The following CYP4X1 variants were observed in gnomAD, a reference collection of about 807,000 sequenced individuals.
CYP4X1 encodes the protein cytochrome P450 family 4 subfamily X member 1, also known as cytochrome P450 4X1.
CYP4X1 carries 44 observed loss-of-function variants against 57.9 expected under a neutral mutation model. That is an observed-to-expected ratio of 0.76 (90% confidence interval 0.60 to 0.98). The LOEUF (loss-of-function observed/expected upper bound fraction) is 0.98. Among genes scored for constraint, CYP4X1 ranks in the 50% least tolerant of loss-of-function variants. The probability of loss-of-function intolerance (pLI) is 0.00; values close to 1 mark genes in which losing one functional copy is unlikely to be tolerated. For missense variants in CYP4X1, 532 were observed against 623.9 expected, an observed-to-expected ratio of 0.85 and a Z score of 1.57; for synonymous variants, 227 against 228.6, an observed-to-expected ratio of 0.99 and a Z score of 0.06.
rs1394204338 is a variant in CYP4X1, at chr1:47,046,464, C to T, written c.1074-3C>T. ...GAGTCCCTTCCCTCCCTCATCCTCA[C>T]AGGGACCAGCTGGGTGAGATGTCGT... On this transcript the variant is annotated splice_region_variant and splice_polypyrimidine_tract_variant and intron_variant, in intron 8 of 11. Transcript: ENST00000371901. 4 of 1,614,044 alleles carry T rather than the reference C, an allele frequency of 2.5e-6. No individual in the cohort carries two copies. The highest frequency in any genetic ancestry group is 1.1e-5 in the South Asian group (1 of 91,068).
chr1:47,023,436 C>A, upstream of CYP4X1: 3 of 790,848 alleles, frequency 3.8e-6, no homozygotes, highest in Non-Finnish European at 4.6e-6. Flanking sequence ...AAAAGAAAAT[C>A]TCTTGCATAG....
rs1327962451 is a variant in CYP4X1, at chr1:47,024,012, G to GGGAGGAAGGAGGAGGGAGGGGC, written c.177+25_177+46dup. ...ACCAGAAGGTAGATGGGAGGGAGGA[G>GGGAGGAAGGAGGAGGGAGGGGC]GGAGGAAGGAGGAGGGAGGGGCGGA... On this transcript the variant is annotated intron_variant, in intron 1 of 11. Transcript: ENST00000371901. The GGGAGGAAGGAGGAGGGAGGGGC allele has an allele frequency of 6.2e-7, 1 of 1,605,882 alleles. No homozygotes were observed. The highest frequency in any genetic ancestry group is 1.1e-5 in the South Asian group (1 of 90,372).
the CYP4X1 span, among the ~76,000 whole-genome samples, chr1:46,992,081 C>T: frequency 2.6e-5 from 4 of 152,108 alleles, no homozygotes; most frequent in Non-Finnish European, 4.4e-5. Context: ...CCATGGTGGG[C>T]AGATCACCTG....
chr1:47,053,637 G>A (rs1328052968), downstream of CYP4X1, among the ~76,000 whole-genome samples: 3 of 152,164 alleles, frequency 2.0e-5, no homozygotes, highest in African/African-American at 7.2e-5. Flanking sequence ...GTATCTCATT[G>A]TGGTTTTGAT....
chr1:47,046,411 G>GA, intron 8 of CYP4X1, 56 bp from the exon 9 acceptor site: 1 of 1,601,642 alleles, frequency 6.2e-7, no homozygotes. Context: ...ACAGAAAACA[G>GA]AAAAAAAGTA....
downstream of CYP4X1, among the ~76,000 whole-genome samples, chr1:47,052,910 ATTTCTT>A (rs891822924): frequency 1.3e-5 from 2 of 151,592 alleles, no homozygotes; most frequent in African/African-American, 4.8e-5. Context: ...GGAATTCTCT[ATTTCTT>A]TTTTTTATTT....
the CYP4X1 span, among the ~76,000 whole-genome samples, chr1:46,988,270 A>G: frequency 6.6e-6 from 1 of 152,194 alleles, no homozygotes; most frequent in Admixed American, 6.5e-5. Context: ...CTACACAAAT[A>G]AACTAGAAAA....
chr1:46,996,149 G>A, the CYP4X1 span, among the ~76,000 whole-genome samples: 1 of 152,182 alleles, frequency 6.6e-6, no homozygotes, highest in East Asian at 1.9e-4. Flanking sequence ...CTACGAAACT[G>A]TTTCTTAAAA....
the CYP4X1 span, among the ~76,000 whole-genome samples, chr1:46,966,244 G>A: frequency 7.2e-3 from 1,101 of 152,280 alleles, 13 homozygotes; most frequent in African/African-American, 0.025. Context: ...TTGGCTCGCC[G>A]GATTCAGCCC....
chr1:47,019,377 C>T (rs987591793), upstream of CYP4X1, among the ~76,000 whole-genome samples: 13 of 152,144 alleles, frequency 8.5e-5, no homozygotes, highest in East Asian at 3.9e-4. Context: ...TAATCCTAAA[C>T]GGGTCCTGAT....
chr1:47,022,442 C>A (rs1644008929), upstream of CYP4X1, among the ~76,000 whole-genome samples: 1 of 152,016 alleles, frequency 6.6e-6, no homozygotes, highest in Non-Finnish European at 1.5e-5. Context: ...AGGCGCGCGC[C>A]ACCACGCCCA....
At chr1:47,032,660 A>G (rs1644136842) in intron 3 of CYP4X1, among the ~76,000 whole-genome samples, 1 of 152,200 alleles carries the variant, frequency 6.6e-6, no homozygotes, top group African/African-American at 2.4e-5. Flanking sequence ...TCCACATAGT[A>G]TCATTCATAG....
chr1:47,022,541 G>C (rs1002040300), upstream of CYP4X1, among the ~76,000 whole-genome samples: 1 of 151,884 alleles, frequency 6.6e-6, no homozygotes, highest in Non-Finnish European at 1.5e-5. Flanking sequence ...CGCCCGCCTC[G>C]GCCTCCCAAA....
chr1:47,054,626 G>T (rs1433447911), downstream of CYP4X1, among the ~76,000 whole-genome samples: 5 of 152,008 alleles, frequency 3.3e-5, no homozygotes, highest in African/African-American at 4.8e-5. Context: ...CCTTGAAGAG[G>T]TCCTTCACAT....
the CYP4X1 span, among the ~76,000 whole-genome samples, chr1:46,977,968 G>A: frequency 4.1e-4 from 63 of 152,238 alleles, no homozygotes; most frequent in South Asian, 0.012. Flanking sequence ...AAGAGCTCCT[G>A]AAGGAAGCAC....
the CYP4X1 span, among the ~76,000 whole-genome samples, chr1:47,003,870 C>T: frequency 3.3e-5 from 5 of 152,108 alleles, no homozygotes; most frequent in Non-Finnish European, 5.9e-5. Flanking sequence ...CCACCGTCCC[C>T]GCCAAAAAAT....
chr1:47,005,153 C>A, the CYP4X1 span, among the ~76,000 whole-genome samples: 1 of 152,178 alleles, frequency 6.6e-6, no homozygotes, highest in Non-Finnish European at 1.5e-5. Context: ...AAAGGGGATG[C>A]ACTCAGAAGA....
At chr1:46,989,134 G>A in the CYP4X1 span, among the ~76,000 whole-genome samples, 8 of 152,274 alleles carry the variant, frequency 5.3e-5, no homozygotes, top group South Asian at 8.3e-4. Context: ...TGACATGATT[G>A]TATATTTAGA....
the CYP4X1 span, among the ~76,000 whole-genome samples, chr1:47,009,467 T>C: frequency 6.6e-6 from 1 of 151,980 alleles, no homozygotes; most frequent in Non-Finnish European, 1.5e-5. Flanking sequence ...AGGAAAGATC[T>C]AAAATTGACA....
Sources: gnomAD v4.1 joint callset for allele counts (sites outside exome capture counted in the v4.1 genomes callset) on GRCh38, gnomAD v4.1.1 for gene constraint, MANE v1.5 for transcripts, NCBI Gene and HGNC (gene_info 2026-07-23, HGNC 2026-07-21) for gene names.